CACNA2D1: variants seen among roughly 807,000 people sequenced by gnomAD.
The protein encoded by CACNA2D1 is voltage-dependent calcium channel subunit alpha-2/delta-1.
Under a neutral mutation model 171.5 loss-of-function variants are expected in CACNA2D1, and 53 were observed. The ratio of observed to expected loss-of-function variants is 0.31; its 90% CI spans 0.25 to 0.39. The LOEUF (loss-of-function observed/expected upper bound fraction) is 0.39, where lower values mean the gene tolerates loss of function less well. CACNA2D1 is among the 10% of genes least tolerant of loss of function. The pLI, the probability that CACNA2D1 is intolerant of heterozygous loss-of-function variation, is 1.00. For synonymous variants in CACNA2D1, 442 were observed against 443.1 expected (o/e 1.00, Z 0.03); for missense variants, 903 against 1,299.8 (o/e 0.69, Z 4.69).
chr7:82,172,921 T>A (rs918484224), intron 3 of CACNA2D1, among the ~76,000 whole-genome samples: 1 of 152,000 alleles, frequency 6.6e-6, no homozygotes, highest in African/African-American at 2.4e-5. Flanking sequence ...AACTCTAAGA[T>A]GTCTTTGTGT....
chr7:82,406,066 T>C (rs1054616179), intron 1 of CACNA2D1, among the ~76,000 whole-genome samples: 21 of 151,866 alleles, frequency 1.4e-4, no homozygotes, highest in Admixed American at 1.4e-3. Context: ...CAGGCCCCGG[T>C]GTGTGGTATT....
chr7:82,006,322 G>A (rs1011069073), intron 16 of CACNA2D1, among the ~76,000 whole-genome samples: 2 of 151,944 alleles, frequency 1.3e-5, no homozygotes, highest in Non-Finnish European at 2.9e-5. Context: ...CTAAAAGTAT[G>A]TGACCATATT....
At chr7:82,288,391 T>C (rs1367040467) in intron 3 of CACNA2D1, among the ~76,000 whole-genome samples, 2 of 150,164 alleles carry the variant, frequency 1.3e-5, no homozygotes, top group African/African-American at 2.5e-5. Context: ...GAAGGAGCAC[T>C]CACATTAAAA....
Position 82,299,590 on chromosome 7 carries a change from G to C in CACNA2D1, c.294+35545C>G, listed in dbSNP as rs139047149. Reference sequence around the variant, plus strand: ...GCACAAGATCACTTGAACCTGGGAGGCGGAGGTTACACTGAGCTGAGATCA... The same window carrying C: ...GCACAAGATCACTTGAACCTGGGAGCCGGAGGTTACACTGAGCTGAGATCA... On this transcript the variant is annotated intron_variant, in intron 3 of 38. Coordinates refer to ENST00000356860, the MANE Select transcript of CACNA2D1 (RefSeq NM_000722.4). Among the ~76,000 whole-genome samples, 470 of 151,788 alleles carry C rather than the reference G, an allele frequency of 3.1e-3. 1 individual carries two copies. Among genetic ancestry groups the C allele is most frequent in the African/African-American group, 0.011 (449 of 41,370 alleles).
intron 4 of CACNA2D1, among the ~76,000 whole-genome samples, chr7:82,154,098 A>C (rs899669374): frequency 6.6e-6 from 1 of 152,172 alleles, no homozygotes; most frequent in East Asian, 1.9e-4. Context: ...GCTTCTGCTT[A>C]TAACCAAAGC....
chr7:82,144,580 T>TA lies in CACNA2D1; in HGVS notation c.355-7905dup, dbSNP rs369357461. 3.9e-3 allele frequency among the ~76,000 whole-genome samples: 592 copies of TA among 151,884 alleles called. 2 individuals are homozygous for TA. Among genetic ancestry groups the TA allele is most frequent in the Non-Finnish European group, 5.7e-3 (387 of 67,882 alleles). ...AAAATTTAAAATTCTAGCAGAAGGT[T>TA]AAAAAAAACATCAAAGAAGCCAAGT... On this transcript the variant is annotated intron_variant, in intron 4 of 38. Coordinates refer to ENST00000356860, the MANE Select transcript of CACNA2D1 (RefSeq NM_000722.4).
intron 3 of CACNA2D1, among the ~76,000 whole-genome samples, chr7:82,304,873 T>A (rs938589295): frequency 6.6e-6 from 1 of 152,016 alleles, no homozygotes; most frequent in Non-Finnish European, 1.5e-5. Context: ...GAGGACTTGA[T>A]CAGTTCCCAA....
chr7:82,127,634 A>T (rs7800602), intron 5 of CACNA2D1, among the ~76,000 whole-genome samples: 3,658 of 152,328 alleles, frequency 0.024, 136 homozygotes, highest in African/African-American at 0.082. Context: ...GAACGCTCAT[A>T]GGAAGGACTA....
At chr7:82,170,693 A>T in intron 3 of CACNA2D1, 84 bp from the exon 4 acceptor site, 2 of 1,207,244 alleles carry the variant, frequency 1.7e-6, no homozygotes, top group Non-Finnish European at 2.5e-6. Context: ...TTTCTAATCA[A>T]TTTTGAGGAC....
chr7:82,240,009 T>C (rs1804063414), intron 3 of CACNA2D1, among the ~76,000 whole-genome samples: 1 of 152,228 alleles, frequency 6.6e-6, no homozygotes, highest in African/African-American at 2.4e-5. Flanking sequence ...AGATGCTATT[T>C]GCTTAGCTAA....
chr7:82,148,032 T>A (rs921547111), intron 4 of CACNA2D1, among the ~76,000 whole-genome samples: 9 of 152,164 alleles, frequency 5.9e-5, no homozygotes, highest in African/African-American at 2.2e-4. Context: ...ACAGATAATA[T>A]TAATATGTAT....
chr7:82,273,711 C>A (rs1808938216), intron 3 of CACNA2D1, among the ~76,000 whole-genome samples: 1 of 151,984 alleles, frequency 6.6e-6, no homozygotes. Context: ...ATATTAATTG[C>A]AAATGAAGGG....
At chr7:82,016,636 G>T (rs1800515803) in intron 12 of CACNA2D1, among the ~76,000 whole-genome samples, 1 of 126,358 alleles carries the variant, frequency 7.9e-6, no homozygotes, top group African/African-American at 2.9e-5. Context: ...AAAAAAGCTT[G>T]TTGCTTTATT....
rs764030442 is a variant in CACNA2D1, at chr7:81,994,991, A to G, written c.1663-52T>C. The G allele has an allele frequency of 8.2e-6, 7 of 856,228 alleles. No homozygotes were observed. The African/African-American group carries it at 1.2e-4, about 14-fold the overall frequency. 53.0% of individuals were successfully genotyped at this position (856,228 alleles called of 1,614,324 possible). A position where few individuals can be genotyped will look rare whatever the true frequency, so the allele number is the denominator to read the frequency against. Reference sequence around the variant, plus strand: ...ATTCCAGAAACAAAGCTGACCTGCCAAAATATGACTATTAACATGGTAGTT... The same window carrying G: ...ATTCCAGAAACAAAGCTGACCTGCCGAAATATGACTATTAACATGGTAGTT... On this transcript the variant is annotated intron_variant, in intron 19 of 38. Transcript: ENST00000356860.
intron 1 of CACNA2D1, among the ~76,000 whole-genome samples, chr7:82,374,008 T>C (rs1383433401): frequency 1.3e-5 from 2 of 152,214 alleles, no homozygotes; most frequent in African/African-American, 4.8e-5. Context: ...GTGTCACCCA[T>C]GGGAAGGCTT....
At chr7:82,099,950 G>A (rs567164941) in intron 6 of CACNA2D1, among the ~76,000 whole-genome samples, 48 of 152,238 alleles carry the variant, frequency 3.2e-4, no homozygotes, top group African/African-American at 1.2e-3. Flanking sequence ...TAGGAGAAGG[G>A]AGAGCATTAG....
chr7:82,125,644 G>A (rs1269205559), intron 5 of CACNA2D1, among the ~76,000 whole-genome samples: 10 of 152,102 alleles, frequency 6.6e-5, no homozygotes, highest in African/African-American at 2.2e-4. Flanking sequence ...TCAGGAGGCC[G>A]AGGTGGGAGG....
chr7:82,177,723 ATCTT>A (rs1796698960), intron 3 of CACNA2D1, among the ~76,000 whole-genome samples: 2 of 152,102 alleles, frequency 1.3e-5, no homozygotes, highest in African/African-American at 2.4e-5. Context: ...GAGACCATCA[ATCTT>A]TCTTCACAGG....
chr7:82,039,577 A>C (rs1245146800), intron 10 of CACNA2D1, among the ~76,000 whole-genome samples: 1 of 152,186 alleles, frequency 6.6e-6, no homozygotes, highest in African/African-American at 2.4e-5. Context: ...ATTGCCTCTC[A>C]ATATAGTATA....
Sources: allele counts gnomAD v4.1 joint callset (sites outside exome capture counted in the v4.1 genomes callset), GRCh38; gene constraint gnomAD v4.1.1; transcripts MANE v1.5; gene names NCBI Gene and HGNC (gene_info 2026-07-23, HGNC 2026-07-21).